The following UGT2B15 variants were observed in gnomAD, a reference collection of about 807,000 sequenced individuals.
UGT2B15 encodes the protein UDP-glucuronosyltransferase 2B15.
UGT2B15 carries 36 observed loss-of-function variants against 45.9 expected under a neutral mutation model. The observed-to-expected ratio is 0.78, with a 90% CI of 0.60 to 1.04. The LOEUF is 1.04. Ranked by LOEUF, UGT2B15 falls within the 50% of genes least tolerant of loss-of-function variation. The pLI is 0.00. For missense variants in UGT2B15, 617 were observed against 622.4 expected, an observed-to-expected ratio of 0.99 and a Z score of 0.09; for synonymous variants, 219 against 216.4, an observed-to-expected ratio of 1.01 and a Z score of -0.11.
chr4:68,658,992 G>A (rs768923455), intron 3 of UGT2B15, among the ~76,000 whole-genome samples: 8 of 151,854 alleles, frequency 5.3e-5, no homozygotes, highest in Non-Finnish European at 1.2e-4. Context: ...CCAACATATG[G>A]GCCCCTGTGT....
intron 2 of UGT2B15, among the ~76,000 whole-genome samples, 174 bp from the exon 3 acceptor site, chr4:68,663,313 G>T (rs188572007): frequency 4.0e-5 from 6 of 151,662 alleles, no homozygotes; most frequent in African/African-American, 1.5e-4. Context: ...ATATATGTGG[G>T]ATCTTTCATG....
Position 68,655,105 on chromosome 4 carries a change from A to G in UGT2B15, c.1083T>C (p.Asn361=). 1.1e-5 allele frequency: 18 copies of G among 1,613,216 alleles called. No individual in the cohort carries two copies. The highest frequency in any genetic ancestry group is 1.4e-5 in the Non-Finnish European group (17 of 1,179,552). ...NTRLYKWLPQ[N]DLLGHPKTKA... The stretch of plus-strand genomic sequence containing the variant: ...TCTCCAGAATCTTACCAAGAAGGTC[A>G]TTCTGGGGTAACCACTTGTACAGTC... Residue 361 remains asparagine (N), a synonymous_variant, in exon 4 of 6, where the codon AAT becomes AAC. Transcript: ENST00000338206.
In UGT2B15 at chr4:68,663,439, G is replaced by A. The variant is rs543179378; in HGVS notation, c.874-300C>T. ...ATAATGCTAGAAAATGTTACACCCAGACACTTTATTTATAATATTATAATT... is the reference window on the plus strand; with the variant it reads ...ATAATGCTAGAAAATGTTACACCCAAACACTTTATTTATAATATTATAATT... On this transcript the variant is annotated intron_variant, in intron 2 of 5. Transcript: ENST00000338206. 4.8e-3 allele frequency among the ~76,000 whole-genome samples: 738 copies of A among 152,188 alleles called. 9 individuals are homozygous for A. Among genetic ancestry groups the A allele is most frequent in the Non-Finnish European group, 8.0e-3 (543 of 68,008 alleles).
At position 68,669,938 on chromosome 4, in the gene UGT2B15, A is replaced by G; in HGVS notation, c.681T>C (p.Ile227=). Residue 227 remains isoleucine (I), a synonymous_variant, in exon 1 of 6, where the codon ATT becomes ATC. Transcript: ENST00000338206. The part of the protein sequence containing the change: ...HMLYFDFWFQ[I]YDLKKWDQFY... The stretch of plus-strand genomic sequence containing the variant: ...ACTGGTCCCACTTCTTCAGATCATA[A>G]ATTTGAAACCAAAAGTCAAAATAAA... 1.2e-6 allele frequency: 2 copies of G among 1,613,110 alleles called. No individual in the cohort carries two copies. The highest frequency in any genetic ancestry group is 3.3e-4 in the Middle Eastern group (2 of 6,056).
chr4:68,669,868 T>A lies in UGT2B15; in HGVS notation c.724+27A>T, dbSNP rs1211446250. On this transcript the variant is annotated intron_variant, in intron 1 of 5. Coordinates refer to ENST00000338206, the MANE Select transcript of UGT2B15 (RefSeq NM_001076.4). ...AAGGCACAGAAAAGTTAGAACTTAA[T>A]AAGCACCAGTTAGACACATGACTTA... 3.2e-6 allele frequency: 5 copies of A among 1,568,486 alleles called. No individual in the cohort carries two copies. The Admixed American group carries it at 8.5e-5, about 27-fold the overall frequency.
chr4:68,670,255 C>A lies in UGT2B15; in HGVS notation c.364G>T (p.Asp122Tyr). The change falls in exon 1 of 6, where the codon GAC (aspartate) becomes TAC (tyrosine). Residue 122 changes from aspartate (D) to tyrosine (Y), a missense_variant. Physicochemically the swap from Asp to Tyr is radical, Grantham distance 160. Coordinates refer to ENST00000338206, the MANE Select transcript of UGT2B15 (RefSeq NM_001076.4). Reference sequence around the variant, plus strand: ...TCTTTACAGAGCTTGTTACTGTAGTCATAATATTCCCAACACAATTCTTGT... The same window carrying A: ...TCTTTACAGAGCTTGTTACTGTAGTAATAATATTCCCAACACAATTCTTGT... ...QLQELCWEYY[D>Y]YSNKLCKDAV... The A allele has an allele frequency of 1.2e-6, 2 of 1,614,008 alleles. No individual in the cohort carries two copies. The highest frequency in any genetic ancestry group is 1.1e-5 in the South Asian group (1 of 91,042).
chr4:68,669,470 C>T (rs1489556313), intron 1 of UGT2B15, among the ~76,000 whole-genome samples: 1 of 152,078 alleles, frequency 6.6e-6, no homozygotes, highest in Non-Finnish European at 1.5e-5. Context: ...AATGAGGAAA[C>T]TGAGGAACTC....
At chr4:68,649,182 A>G (rs769794869) in intron 5 of UGT2B15, among the ~76,000 whole-genome samples, 5 of 151,556 alleles carry the variant, frequency 3.3e-5, no homozygotes, top group Admixed American at 1.3e-4. Flanking sequence ...ACTAGAACAT[A>G]TAATTTTTAT....
chr4:68,663,169 A>C, intron 2 of UGT2B15, 30 bp from the exon 3 acceptor site: 1 of 1,578,254 alleles, frequency 6.3e-7, no homozygotes, highest in Non-Finnish European at 8.6e-7. Flanking sequence ...TCTATCAGAA[A>C]AGAGCAACAG....
At chr4:68,655,741 T>C (rs142386269) in intron 3 of UGT2B15, among the ~76,000 whole-genome samples, 1 of 152,222 alleles carries the variant, frequency 6.6e-6, no homozygotes, top group African/African-American at 2.4e-5. Flanking sequence ...TTGATTGATG[T>C]CTCATGTATC....
chr4:68,648,611 A>G (rs1732554322), intron 5 of UGT2B15, among the ~76,000 whole-genome samples: 2 of 152,100 alleles, frequency 1.3e-5, no homozygotes, highest in Admixed American at 6.6e-5. Context: ...GGATAAATGT[A>G]TATATACTAT....
At chr4:68,668,995 C>T (rs1294096312) in intron 1 of UGT2B15, among the ~76,000 whole-genome samples, 2 of 151,426 alleles carry the variant, frequency 1.3e-5, no homozygotes, top group Non-Finnish European at 2.9e-5. Flanking sequence ...AAACAGCTTT[C>T]CAGGAAGTAC....
At chr4:68,657,303 A>T (rs1732836411) in intron 3 of UGT2B15, among the ~76,000 whole-genome samples, 1 of 152,116 alleles carries the variant, frequency 6.6e-6, no homozygotes, top group Non-Finnish European at 1.5e-5. Context: ...ATTAACTTTT[A>T]AAAAAAGGCT....
At chr4:68,669,324 A>C (rs1024541770) in intron 1 of UGT2B15, among the ~76,000 whole-genome samples, 1 of 152,128 alleles carries the variant, frequency 6.6e-6, no homozygotes, top group African/African-American at 2.4e-5. Context: ...GAAAGAAATA[A>C]TTGTCAACCT....
At chr4:68,665,330 T>G (rs1489142280) in intron 2 of UGT2B15, among the ~76,000 whole-genome samples, 1 of 152,186 alleles carries the variant, frequency 6.6e-6, no homozygotes. Flanking sequence ...TACTCATCAT[T>G]TTGTTCCTTA....
chr4:68,653,795 C>T (rs1031384106), intron 5 of UGT2B15, among the ~76,000 whole-genome samples: 1 of 151,844 alleles, frequency 6.6e-6, no homozygotes, highest in Non-Finnish European at 1.5e-5. Flanking sequence ...AAATAATTAT[C>T]TACATATCTT....
rs979916375 is a variant in UGT2B15, at chr4:68,646,892, T to C, written c.*212A>G. 10 of 740,816 alleles carry C rather than the reference T, an allele frequency of 1.3e-5. No individual in the cohort carries two copies. Among genetic ancestry groups the C allele is most frequent in the South Asian group, 4.3e-5 (2 of 46,246 alleles). 45.9% of individuals were successfully genotyped at this position (740,816 alleles called of 1,614,324 possible). A position where few individuals can be genotyped will look rare whatever the true frequency, so the allele number is the denominator to read the frequency against. ...TCTCCAAATGCTATCCTTCCCCCCA[T>C]TGTATTTTTCATAGCTTAAAAATCA... On this transcript the variant is annotated 3_prime_UTR_variant, in exon 6 of 6. Coordinates refer to ENST00000338206, the MANE Select transcript of UGT2B15 (RefSeq NM_001076.4).
intron 5 of UGT2B15, among the ~76,000 whole-genome samples, chr4:68,650,083 C>T (rs1732606446): frequency 6.6e-6 from 1 of 152,052 alleles, no homozygotes; most frequent in African/African-American, 2.4e-5. Context: ...ATCTGCCCTC[C>T]TCAGCCTCCC....
At chr4:68,658,756 G>A (rs1732880350) in intron 3 of UGT2B15, among the ~76,000 whole-genome samples, 1 of 151,978 alleles carries the variant, frequency 6.6e-6, no homozygotes, top group Non-Finnish European at 1.5e-5. Flanking sequence ...GTGTGAAATG[G>A]CAACACTATC....
Sources: allele counts gnomAD v4.1 joint callset (sites outside exome capture counted in the v4.1 genomes callset), GRCh38; gene constraint gnomAD v4.1.1; transcripts MANE v1.5; gene names NCBI Gene and HGNC (gene_info 2026-07-23, HGNC 2026-07-21).